Variants in NOTCH4 observed in about 807,000 individuals in gnomAD.
The protein encoded by NOTCH4 is neurogenic locus notch homolog protein 4.
In NOTCH4, 138 loss-of-function variants were observed where a neutral mutation model predicts 189.0. That is an observed-to-expected ratio of 0.73 (90% confidence interval 0.64 to 0.84). NOTCH4 has a LOEUF of 0.84. Among genes scored for constraint, NOTCH4 ranks in the 40% least tolerant of loss-of-function variants. The pLI, the probability that NOTCH4 is intolerant of heterozygous loss-of-function variation, is 0.00. For missense variants in NOTCH4, 2,286 were observed against 2,605.4 expected (o/e 0.88, Z 2.67); for synonymous variants, 942 against 1,032.8 (o/e 0.91, Z 1.69).
chr6:32,195,841 G>A lies in NOTCH4; in HGVS notation c.5608C>T (p.Pro1870Ser), dbSNP rs951356187. 1.3e-6 allele frequency: 2 copies of A among 1,597,302 alleles called. No individual in the cohort carries two copies. Among genetic ancestry groups the A allele is most frequent in the African/African-American group, 2.7e-5 (2 of 74,846 alleles). Reference protein sequence around the residue: ...RCRTLSAGAGPRGGGACLQAR... With the variant: ...RCRTLSAGAGSRGGGACLQAR... ...TGCAGACAAGCTCCGCCCCCACGAGGGCCTGCTCCGGCTGACAGCGTCCGG... is the reference window on the plus strand; with the variant it reads ...TGCAGACAAGCTCCGCCCCCACGAGAGCCTGCTCCGGCTGACAGCGTCCGG... The change falls in exon 30 of 30, where the codon CCT becomes TCT. Residue 1870 changes from proline to serine, a missense_variant. This residue lies in a region of NOTCH4 where 383 missense variants were observed against 343.5 expected (regional missense o/e 1.11). Coordinates refer to ENST00000375023, the MANE Select transcript of NOTCH4 (RefSeq NM_004557.4). This position sits in a 1 kb window ranked among gnomAD's most constrained non-coding sequence, Gnocchi z 5.4.
intron 18 of NOTCH4, among the ~76,000 whole-genome samples, chr6:32,206,431 A>G (rs954454261): frequency 3.2e-4 from 48 of 152,130 alleles, no homozygotes; most frequent in Non-Finnish European, 1.5e-5. Flanking sequence ...AAAGAAATCA[A>G]GAAAGCAATC....
rs1454906459 is a variant in NOTCH4 at position 32,221,439 on chromosome 6, C to T, written c.452-114G>A. On this transcript the variant is annotated intron_variant, in intron 3 of 29. Transcript: ENST00000375023. The surrounding 1 kb of genome is among the most constrained non-coding windows in gnomAD (Gnocchi z 4.3). The stretch of plus-strand genomic sequence containing the variant: ...TGGGTCTCATTTTCATATTTCCTTC[C>T]CTTTATTACCATACTTTCTTTGCTC... The T allele has an allele frequency of 1.1e-5, 8 of 731,308 alleles. No homozygotes were observed. Among genetic ancestry groups the T allele is most frequent in the Non-Finnish European group, 1.6e-5 (7 of 447,138 alleles). 45.3% of individuals were successfully genotyped at this position (731,308 alleles called of 1,614,324 possible).
chr6:32,223,144 T>TC, intron 1 of NOTCH4, 58 bp from the exon 2 acceptor site: 2 of 1,324,910 alleles, frequency 1.5e-6, no homozygotes, highest in Non-Finnish European at 2.2e-6. Flanking sequence ...CCACCTTTCC[T>TC]CTTCTAGGTG....
chr6:32,220,707 G>A (rs113730482), intron 5 of NOTCH4, 49 bp downstream of exon 5: 1 of 1,612,844 alleles, frequency 6.2e-7, no homozygotes, highest in African/African-American at 1.3e-5. Context: ...GAGGCCAGGG[G>A]CCAACTCTCT....
chr6:32,201,796 CT>C lies in NOTCH4; in HGVS notation c.3755+279del. 2.4e-6 allele frequency: 1 copy of C among 413,722 alleles called. No homozygotes were observed. The highest frequency in any genetic ancestry group is 4.2e-6 in the Non-Finnish European group (1 of 237,502). 25.6% of individuals were successfully genotyped at this position (413,722 alleles called of 1,614,324 possible). A position where few individuals can be genotyped will look rare whatever the true frequency, so the allele number is the denominator to read the frequency against. On this transcript the variant is annotated intron_variant, in intron 21 of 29. Coordinates refer to ENST00000375023, the MANE Select transcript of NOTCH4 (RefSeq NM_004557.4). The surrounding 1 kb of genome is among the most constrained non-coding windows in gnomAD (Gnocchi z 5.5). Reference sequence around the variant, plus strand: ...GAGGTGCTGACTGCTAGGGGAAATACTCCATGGCAGCAAGGCTTAGGGAAGG... The same window carrying C: ...GAGGTGCTGACTGCTAGGGGAAATACCCATGGCAGCAAGGCTTAGGGAAGG...
intron 7 of NOTCH4, 79 bp from the exon 8 acceptor site, chr6:32,219,865 G>A: frequency 2.4e-6 from 3 of 1,235,142 alleles, no homozygotes; most frequent in Non-Finnish European, 3.4e-6. Flanking sequence ...GGGAAGGTGT[G>A]GGGGCCTGCG....
intron 3 of NOTCH4, 45 bp downstream of exon 3, chr6:32,222,466 A>T (rs778726524): frequency 6.8e-7 from 1 of 1,475,012 alleles, no homozygotes; most frequent in Non-Finnish European, 9.0e-7. Context: ...AGCCTAGCCC[A>T]TTGCTCCTGC....
At chr6:32,214,276 G>GA in intron 12 of NOTCH4, 21 bp from the exon 13 acceptor site, 3 of 1,611,018 alleles carry the variant, frequency 1.9e-6, no homozygotes, top group Non-Finnish European at 2.5e-6. Context: ...AGAGAAAGGG[G>GA]AGGGTTTTTC....
chr6:32,212,922 C>T lies in NOTCH4; in HGVS notation c.2439-11G>A, dbSNP rs766767780. On this transcript the variant is annotated splice_polypyrimidine_tract_variant and intron_variant, in intron 15 of 29. Transcript: ENST00000375023. This position sits in a 1 kb window ranked among gnomAD's most constrained non-coding sequence, Gnocchi z 4.4. ...CTATTCCTACAGGGGCTGAACAAGACAGAGACAGGGCATGATAGGAAGAAG... is the reference window on the plus strand; with the variant it reads ...CTATTCCTACAGGGGCTGAACAAGATAGAGACAGGGCATGATAGGAAGAAG... 5 of 1,564,580 alleles carry T rather than the reference C, an allele frequency of 3.2e-6. No individual in the cohort carries two copies. Among genetic ancestry groups the T allele is most frequent in the Non-Finnish European group, 2.6e-6 (3 of 1,154,092 alleles).
intron 27 of NOTCH4, 101 bp from the exon 28 acceptor site, chr6:32,197,173 C>G (rs1787999905): frequency 6.6e-7 from 1 of 1,522,066 alleles, no homozygotes; most frequent in Admixed American, 1.8e-5. Context: ...CAGCCATCCT[C>G]CGCAGTTTCC....
intron 11 of NOTCH4, 29 bp downstream of exon 11, chr6:32,216,916 C>T (rs1169847682): frequency 1.9e-6 from 3 of 1,612,814 alleles, no homozygotes; most frequent in South Asian, 1.1e-5. Context: ...AATATTCTGC[C>T]AGTTCTTTCC....
rs757464689 is a variant in NOTCH4 at position 32,196,307 on chromosome 6, C to T, written c.5298+17G>A. 5.6e-6 allele frequency: 9 copies of T among 1,613,148 alleles called. No individual in the cohort carries two copies. Among genetic ancestry groups the T allele is most frequent in the Non-Finnish European group, 5.9e-6 (7 of 1,180,040 alleles). Reference sequence around the variant, plus strand: ...TGCGCCTGACTGTTTTGTGGGAAGCCCTCTGTCCCATCTAACCCTGTTGTC... The same window carrying T: ...TGCGCCTGACTGTTTTGTGGGAAGCTCTCTGTCCCATCTAACCCTGTTGTC... On this transcript the variant is annotated intron_variant, in intron 29 of 29. Transcript: ENST00000375023.
At chr6:32,220,733 T>C (rs1386628277) in intron 5 of NOTCH4, 23 bp downstream of exon 5, 1 of 1,613,662 alleles carries the variant, frequency 6.2e-7, no homozygotes, top group Admixed American at 1.7e-5. Flanking sequence ...ATGGGTGTCA[T>C]GGATGTGGCT....
At chr6:32,213,988 G>A (rs928467850) in intron 13 of NOTCH4, 122 bp downstream of exon 13, 37 of 1,420,846 alleles carry the variant, frequency 2.6e-5, no homozygotes, top group Admixed American at 3.8e-5. Context: ...CACATCACCC[G>A]TGTCCCCTGC....
rs1788087911 is a variant in NOTCH4 at position 32,198,318 on chromosome 6, A to G, written c.4756+103T>C. On this transcript the variant is annotated intron_variant, in intron 26 of 29. Transcript: ENST00000375023. The surrounding 1 kb of genome is among the most constrained non-coding windows in gnomAD (Gnocchi z 5.5). ...TGAGAATCATTGTTCTAAGGCACTCAGTCTAAAATTATTTCCTCTAGTTCT... is the reference window on the plus strand; with the variant it reads ...TGAGAATCATTGTTCTAAGGCACTCGGTCTAAAATTATTTCCTCTAGTTCT... 2 of 1,197,882 alleles carry G rather than the reference A, an allele frequency of 1.7e-6. No homozygotes were observed. Among genetic ancestry groups the G allele is most frequent in the Non-Finnish European group, 1.2e-6 (1 of 855,206 alleles). 74.2% of individuals were successfully genotyped at this position (1,197,882 alleles called of 1,614,324 possible). A position where few individuals can be genotyped will look rare whatever the true frequency, so the allele number is the denominator to read the frequency against.
In NOTCH4 at chr6:32,196,922, T is replaced by G. The variant is rs370586098; in HGVS notation, c.5200+3A>C. ...AGCATACATCACCCCTTCCTCTACA[T>G]ACCCCATTTATCTCTGGCCCCCACG... is the stretch of plus-strand genomic sequence containing the variant. On this transcript the variant is annotated splice_donor_region_variant and intron_variant, in intron 28 of 29. Coordinates refer to ENST00000375023, the MANE Select transcript of NOTCH4 (RefSeq NM_004557.4). 24 of 1,612,792 alleles carry G rather than the reference T, an allele frequency of 1.5e-5. No individual in the cohort carries two copies. The African/African-American group carries it at 2.4e-4, about 16-fold the overall frequency.
At chr6:32,203,933 C>T in intron 19 of NOTCH4, 51 bp from the exon 20 acceptor site, 2 of 1,498,902 alleles carry the variant, frequency 1.3e-6, no homozygotes, top group Non-Finnish European at 1.8e-6. Flanking sequence ...GTCACTGCCT[C>T]CATCCTAGCT....
rs1207299881 is a variant in NOTCH4 at position 32,220,534 on chromosome 6, C to G, written c.1030G>C (p.Val344Leu). The G allele has an allele frequency of 6.2e-7, 1 of 1,613,642 alleles. No homozygotes were observed. The highest frequency in any genetic ancestry group is 1.3e-5 in the African/African-American group (1 of 74,938). ...CAGCTTGTGCCGCCCCAGCCACTCA[C>G]ACACACGCAGTGAAAGCTACCAGCA... is the stretch of plus-strand genomic sequence containing the variant. ...NSAGSFHCVC[V>L]SGWGGTSCEE... The change falls in exon 6 of 30, where the codon GTG (valine) becomes CTG (leucine). Residue 344 changes from valine (V) to leucine (L), a missense_variant. Physicochemically the swap from Val to Leu is conservative, Grantham distance 32 (BLOSUM62 1). This residue lies in a region of NOTCH4 where 1,903 missense variants were observed against 2,261.9 expected (regional missense o/e 0.84). Transcript: ENST00000375023.
In NOTCH4 at chr6:32,220,404, C is replaced by T. The variant is rs2127487003; in HGVS notation, c.1159+1G>A. The T allele has an allele frequency of 6.2e-7, 1 of 1,614,004 alleles. No individual in the cohort carries two copies. The highest frequency in any genetic ancestry group is 1.1e-5 in the South Asian group (1 of 91,084). On this transcript the variant is annotated splice_donor_variant, in intron 6 of 29. Transcript: ENST00000375023. LOFTEE classifies it high-confidence loss of function. ...CCTCCTGATACCCTCTACCCCCATA[C>T]CTGTGCGTCCAGGTGGGCAGAGGCA...
Sources: allele counts gnomAD v4.1 joint callset (sites outside exome capture counted in the v4.1 genomes callset), GRCh38; gene constraint gnomAD v4.1.1; regional missense constraint gnomAD v4.1.1; non-coding constraint Gnocchi (gnomAD v3.1); transcripts MANE v1.5; gene names NCBI Gene and HGNC (gene_info 2026-07-23, HGNC 2026-07-21).